The following LARGE1 variants were observed in gnomAD, a reference collection of about 807,000 sequenced individuals.
LARGE1 encodes the protein xylosyl- and glucuronyltransferase LARGE1.
A neutral mutation model predicts 87.6 loss-of-function variants in LARGE1; 43 were observed. The observed-to-expected ratio is 0.49, with a 90% CI of 0.38 to 0.63. LARGE1 has a LOEUF of 0.63. Ranked by LOEUF, LARGE1 falls within the 30% of genes least tolerant of loss-of-function variation. The pLI, the probability that LARGE1 is intolerant of heterozygous loss-of-function variation, is 0.00. For missense variants in LARGE1, 802 were observed against 1,000.2 expected (o/e 0.80, Z 2.67); for synonymous variants, 434 against 394.6 (o/e 1.10, Z -1.18).
intron 1 of LARGE1, among the ~76,000 whole-genome samples, chr22:33,791,909 A>G (rs1478081680): frequency 6.6e-6 from 1 of 152,216 alleles, no homozygotes; most frequent in East Asian, 1.9e-4. Context: ...TGAAGTGCAT[A>G]CTGCATGCTA....
intron 9 of LARGE1, among the ~76,000 whole-genome samples, chr22:33,345,633 C>T (rs190272455): frequency 5.3e-5 from 8 of 152,276 alleles, no homozygotes; most frequent in Admixed American, 2.0e-4. Context: ...GACTTGGAGT[C>T]GGCCTCTACT....
intron 6 of LARGE1, 133 bp from the exon 7 acceptor site, chr22:33,432,398 G>T: frequency 1.4e-6 from 1 of 716,928 alleles, no homozygotes; most frequent in Middle Eastern, 2.6e-4. Flanking sequence ...TTTATGAAGT[G>T]CCAGCCTCTG....
At chr22:33,317,906 G>A (rs1936330650) in intron 10 of LARGE1, among the ~76,000 whole-genome samples, 2 of 152,124 alleles carry the variant, frequency 1.3e-5, no homozygotes. Flanking sequence ...ACATGGATGT[G>A]CACTTTCGTG....
chr22:33,687,930 A>G (rs1043207785), intron 2 of LARGE1, among the ~76,000 whole-genome samples: 3 of 152,174 alleles, frequency 2.0e-5, no homozygotes, highest in Admixed American at 2.0e-4. Context: ...CCTACAGAGA[A>G]CTTCCATATG....
intron 11 of LARGE1, among the ~76,000 whole-genome samples, chr22:33,211,438 C>A (rs904380161): frequency 2.6e-5 from 4 of 152,160 alleles, no homozygotes; most frequent in African/African-American, 9.7e-5. Context: ...TCCCAAACAG[C>A]CTAGCTGTGA....
At chr22:33,081,401 G>A in the LARGE1 span, among the ~76,000 whole-genome samples, 9 of 152,184 alleles carry the variant, frequency 5.9e-5, no homozygotes, top group Admixed American at 3.9e-4. Flanking sequence ...AGTTTTGCAT[G>A]TGAAGACGTA....
At chr22:33,522,796 A>C (rs1602242322) in intron 6 of LARGE1, among the ~76,000 whole-genome samples, 1 of 150,964 alleles carries the variant, frequency 6.6e-6, no homozygotes, top group Admixed American at 6.6e-5. Flanking sequence ...GCACCACTTC[A>C]CTCCAGCCTG....
chr22:33,313,038 C>T (rs968889254), intron 11 of LARGE1, among the ~76,000 whole-genome samples: 6 of 152,114 alleles, frequency 3.9e-5, no homozygotes, highest in South Asian at 2.1e-4. Flanking sequence ...ACACAGGATG[C>T]CAGATTTGAG....
Position 33,761,451 on chromosome 22 carries a change from C to T in LARGE1, c.26G>A (p.Arg9Gln), listed in dbSNP as rs763697782. MLGICRGR[R>Q]KFLAASLSLL... ...ACTCAACGAGGCAGCCAAGAATTTC[C>T]GTCTCCCCCTGCAGATTCCCAGCAT... Residue 9 changes from arginine to glutamine, a missense_variant, in exon 2 of 15, where the codon CGG becomes CAG. Transcript: ENST00000397394. 43 of 1,613,824 alleles carry T rather than the reference C, an allele frequency of 2.7e-5. No homozygotes were observed. The Middle Eastern group carries it at 8.2e-4, about 31-fold the overall frequency.
At chr22:33,898,271 G>T (rs539842612) in intron 1 of LARGE1, among the ~76,000 whole-genome samples, 1 of 152,060 alleles carries the variant, frequency 6.6e-6, no homozygotes, top group Non-Finnish European at 1.5e-5. Context: ...GAGCCTACAC[G>T]GTTCCCTTGA....
chr22:33,413,539 A>G (rs1156393479), intron 7 of LARGE1, among the ~76,000 whole-genome samples: 2 of 151,966 alleles, frequency 1.3e-5, no homozygotes, highest in African/African-American at 2.4e-5. Flanking sequence ...ATCTTGGCTC[A>G]CTGCAACCTC....
chr22:33,182,004 G>C (rs1923197457), intron 11 of LARGE1, among the ~76,000 whole-genome samples: 1 of 151,832 alleles, frequency 6.6e-6, no homozygotes, highest in South Asian at 2.1e-4. Flanking sequence ...TGTATTTTTA[G>C]TAGGGATGGG....
At chr22:33,442,945 C>A (rs2067535710) in intron 6 of LARGE1, among the ~76,000 whole-genome samples, 1 of 152,084 alleles carries the variant, frequency 6.6e-6, no homozygotes, top group Admixed American at 6.5e-5. Context: ...GGCGCCCGCA[C>A]CACATCCGGC....
intron 7 of LARGE1, among the ~76,000 whole-genome samples, chr22:33,408,802 A>G (rs1368392170): frequency 6.6e-6 from 1 of 151,780 alleles, no homozygotes; most frequent in African/African-American, 2.4e-5. Flanking sequence ...TAATAATTAA[A>G]TATTCAGTAG....
At chr22:33,300,111 C>T (rs1430175842) in intron 12 of LARGE1, among the ~76,000 whole-genome samples, 4 of 152,318 alleles carry the variant, frequency 2.6e-5, no homozygotes, top group Admixed American at 2.0e-4. Context: ...GGCTGCCAGT[C>T]GGCCTGCTCT....
At chr22:33,087,030 T>C in the LARGE1 span, among the ~76,000 whole-genome samples, 1 of 152,204 alleles carries the variant, frequency 6.6e-6, no homozygotes. Context: ...AATGTCTCGA[T>C]ACTGTCTATT....
intron 4 of LARGE1, among the ~76,000 whole-genome samples, chr22:33,623,448 C>A (rs547832027): frequency 6.6e-6 from 1 of 152,074 alleles, no homozygotes. Context: ...AACTGGACAG[C>A]GCTATGAGGA....
At chr22:33,646,844 C>T (rs2080631480) in intron 3 of LARGE1, among the ~76,000 whole-genome samples, 1 of 152,250 alleles carries the variant, frequency 6.6e-6, no homozygotes, top group South Asian at 2.1e-4. Context: ...TCTCCTGCCT[C>T]AGCCTCCCAA....
intron 2 of LARGE1, among the ~76,000 whole-genome samples, chr22:33,755,862 A>G (rs572358014): frequency 2.0e-5 from 3 of 152,304 alleles, no homozygotes; most frequent in South Asian, 2.1e-4. Context: ...AGAAACTCAT[A>G]GGTAAGTGGT....
Sources: allele counts gnomAD v4.1 joint callset (sites outside exome capture counted in the v4.1 genomes callset), GRCh38; gene constraint gnomAD v4.1.1; transcripts MANE v1.5; gene names NCBI Gene and HGNC (gene_info 2026-07-23, HGNC 2026-07-21).